NCOA3: variants seen among roughly 807,000 people sequenced by gnomAD.
NCOA3 encodes the protein nuclear receptor coactivator 3.
NCOA3 carries 51 observed loss-of-function variants against 158.8 expected under a neutral mutation model. The observed-to-expected ratio is 0.32, with a 90% CI of 0.26 to 0.41. The LOEUF (loss-of-function observed/expected upper bound fraction) is 0.41, where lower values mean the gene tolerates loss of function less well. NCOA3 is among the 10% of genes least tolerant of loss of function. The pLI, the probability that NCOA3 is intolerant of heterozygous loss-of-function variation, is 1.00. For missense variants in NCOA3, 1,510 were observed against 1,746.6 expected (o/e 0.86, Z 2.41); for synonymous variants, 537 against 592.4 (o/e 0.91, Z 1.36).
chr20:47,529,868 C>T (rs1299145605), intron 1 of NCOA3, among the ~76,000 whole-genome samples: 2 of 152,254 alleles, frequency 1.3e-5, no homozygotes, highest in Middle Eastern at 3.4e-3. Flanking sequence ...GAAATTTCCA[C>T]CTTTTAAAAA....
intron 1 of NCOA3, among the ~76,000 whole-genome samples, chr20:47,519,439 A>G (rs976326064): frequency 6.6e-6 from 1 of 152,174 alleles, no homozygotes; most frequent in Non-Finnish European, 1.5e-5. Flanking sequence ...CTCAAAAAAA[A>G]AAAATGATAT....
rs750638634 is a variant in NCOA3 at position 47,635,579 on chromosome 20, A to G, written c.1370A>G (p.Asn457Ser). ...CAATCACCATCTTCCTACCAGAACAACAACTATGGGCTCAACATGAGTAGC... is the reference window on the plus strand; with the variant it reads ...CAATCACCATCTTCCTACCAGAACAGCAACTATGGGCTCAACATGAGTAGC... ...GMQSPSSYQN[N>S]NYGLNMSSPP... The change falls in exon 11 of 23, where the codon AAC becomes AGC. Residue 457 changes from asparagine (N) to serine (S), a missense_variant. Physicochemically the swap from Asn to Ser is conservative, Grantham distance 46. Coordinates refer to ENST00000371998, the MANE Select transcript of NCOA3 (RefSeq NM_181659.3). The G allele has an allele frequency of 2.5e-6, 4 of 1,614,174 alleles. No homozygotes were observed. Among genetic ancestry groups the G allele is most frequent in the Non-Finnish European group, 3.4e-6 (4 of 1,180,032 alleles).
chr20:47,597,640 C>T (rs894253996), intron 2 of NCOA3, among the ~76,000 whole-genome samples: 1 of 151,870 alleles, frequency 6.6e-6, no homozygotes, highest in Admixed American at 6.6e-5. Flanking sequence ...AGGTACTCGC[C>T]ACCAAGCCCA....
chr20:47,503,479 A>G (rs1199949220), intron 1 of NCOA3, among the ~76,000 whole-genome samples: 1 of 152,218 alleles, frequency 6.6e-6, no homozygotes, highest in Non-Finnish European at 1.5e-5. Context: ...TCTCAGAGGC[A>G]AAGACTGTTA....
In NCOA3 at chr20:47,639,806, G is replaced by T; in HGVS notation, c.2937G>T (p.Gln979His). 1 of 1,614,146 alleles carries T rather than the reference G, an allele frequency of 6.2e-7. No individual in the cohort carries two copies. The highest frequency in any genetic ancestry group is 8.5e-7 in the Non-Finnish European group (1 of 1,180,018). The change falls in exon 15 of 23, where the codon CAG (glutamine) becomes CAT (histidine). Residue 979 changes from glutamine (Q) to histidine (H), a missense_variant. By Grantham distance (24) the Gln-to-His change is conservative. Transcript: ENST00000371998. Reference sequence around the variant, plus strand: ...CGAGACCAGTATTGCAACAGCAGCAGCAGATGCTTCAAATGAGTAAGTGTC... The same window carrying T: ...CGAGACCAGTATTGCAACAGCAGCATCAGATGCTTCAAATGAGTAAGTGTC... Reference protein sequence around the residue: ...PGARPVLQQQQQMLQMRPGEI... With the variant: ...PGARPVLQQQHQMLQMRPGEI...
intron 1 of NCOA3, among the ~76,000 whole-genome samples, chr20:47,553,811 G>T (rs1161008751): frequency 6.6e-6 from 1 of 152,038 alleles, no homozygotes; most frequent in East Asian, 1.9e-4. Context: ...TTGGACATTT[G>T]GGTTGGTTCC....
intron 1 of NCOA3, among the ~76,000 whole-genome samples, chr20:47,544,316 C>CTTTTTTT (rs397866275): frequency 1.0e-5 from 1 of 99,716 alleles, no homozygotes; most frequent in Non-Finnish European, 2.0e-5. Flanking sequence ...TTTAATACTA[C>CTTTTTTT]TTTTTTTTTT....
At chr20:47,576,605 T>G (rs1350931678) in intron 1 of NCOA3, among the ~76,000 whole-genome samples, 2 of 151,812 alleles carry the variant, frequency 1.3e-5, no homozygotes, top group South Asian at 4.2e-4. Flanking sequence ...CCTTCTCCAC[T>G]CCCCTGTCCT....
At chr20:47,605,891 GTTC>G (rs1328183116) in intron 2 of NCOA3, among the ~76,000 whole-genome samples, 1 of 152,218 alleles carries the variant, frequency 6.6e-6, no homozygotes, top group Non-Finnish European at 1.5e-5. Context: ...AAGTCTCCAT[GTTC>G]TTTTGATCTC....
rs149250771 is a variant in NCOA3, at chr20:47,649,401, T to A, written c.3651+292T>A. Among the ~76,000 whole-genome samples, 233 of 152,310 alleles carry A rather than the reference T, an allele frequency of 1.5e-3. 2 individuals are homozygous for A. The highest frequency in any genetic ancestry group is 5.3e-3 in the African/African-American group (219 of 41,574). On this transcript the variant is annotated intron_variant, in intron 19 of 22. Coordinates refer to ENST00000371998, the MANE Select transcript of NCOA3 (RefSeq NM_181659.3). Reference sequence around the variant, plus strand: ...TGTGAGAACAGCTATCACTTGGCTGTTTAGGAATTTAATAAATCTGTAAAT... The same window carrying A: ...TGTGAGAACAGCTATCACTTGGCTGATTAGGAATTTAATAAATCTGTAAAT...
intron 1 of NCOA3, among the ~76,000 whole-genome samples, chr20:47,530,756 C>T (rs922892998): frequency 6.6e-5 from 10 of 152,212 alleles, no homozygotes; most frequent in African/African-American, 1.2e-4. Context: ...TGGGCCACTG[C>T]GCCTGGCCAA....
intron 1 of NCOA3, among the ~76,000 whole-genome samples, chr20:47,502,816 C>T (rs1051355629): frequency 1.3e-5 from 2 of 150,916 alleles, no homozygotes; most frequent in African/African-American, 4.9e-5. Flanking sequence ...AGCCATGGGT[C>T]GTTGGGAGAC....
intron 6 of NCOA3, 57 bp from the exon 7 acceptor site, chr20:47,627,504 T>C (rs1254219180): frequency 3.8e-6 from 5 of 1,329,194 alleles, no homozygotes; most frequent in Admixed American, 4.2e-5. Flanking sequence ...TTCTTGATGA[T>C]GGTCATAGAA....
intron 1 of NCOA3, among the ~76,000 whole-genome samples, chr20:47,505,669 A>G (rs1172796485): frequency 1.3e-5 from 2 of 152,148 alleles, no homozygotes; most frequent in African/African-American, 4.8e-5. Flanking sequence ...TTAGTATTGG[A>G]AATGTATGTT....
rs369744240 is a variant in NCOA3 at position 47,573,050 on chromosome 20, T to C, written c.-98-10133T>C. Among the ~76,000 whole-genome samples the C allele has an allele frequency of 1.1e-4, 16 of 152,172 alleles. 1 individual carries two copies. Among genetic ancestry groups the C allele is most frequent in the Admixed American group, 8.5e-4 (13 of 15,260 alleles). On this transcript the variant is annotated intron_variant, in intron 1 of 22. Transcript: ENST00000371998. ...CATTTACTGATTAAGTTTACCATCT[T>C]ATATGAGCACAGTGCATGGTGCCCC...
At chr20:47,557,398 C>T (rs2146171801) in intron 1 of NCOA3, among the ~76,000 whole-genome samples, 1 of 152,276 alleles carries the variant, frequency 6.6e-6, no homozygotes. Context: ...TTATTTTCAT[C>T]CCCATTTACA....
chr20:47,652,316 T>G, intron 20 of NCOA3, 90 bp from the exon 21 acceptor site: 2 of 1,248,272 alleles, frequency 1.6e-6, no homozygotes, highest in South Asian at 3.1e-5. Context: ...CCCACCTCCT[T>G]TAAAAAAAAA....
At chr20:47,625,296 T>C (rs2086304060) in intron 4 of NCOA3, 85 bp from the exon 5 acceptor site, 3 of 854,426 alleles carry the variant, frequency 3.5e-6, no homozygotes, top group African/African-American at 1.7e-5. Context: ...TGTGTATCTT[T>C]ATGTCTCTTC....
chr20:47,625,659 C>T (rs2086310136), intron 5 of NCOA3, among the ~76,000 whole-genome samples, 178 bp downstream of exon 5: 1 of 152,092 alleles, frequency 6.6e-6, no homozygotes, highest in African/African-American at 2.4e-5. Flanking sequence ...TTACAATATA[C>T]ATAATTCAGG....
Sources: allele counts gnomAD v4.1 joint callset (sites outside exome capture counted in the v4.1 genomes callset), GRCh38; gene constraint gnomAD v4.1.1; transcripts MANE v1.5; gene names NCBI Gene and HGNC (gene_info 2026-07-23, HGNC 2026-07-21).